The following BID variants were observed in gnomAD, a reference collection of about 807,000 sequenced individuals.
BID encodes BH3 interacting domain death agonist.
Under a neutral mutation model 17.4 loss-of-function variants are expected in BID, and 19 were observed. The observed-to-expected ratio is 1.09, with a 90% CI of 0.76 to 1.60. BID has a LOEUF of 1.60. BID is among the 40% of genes most tolerant of loss of function. The pLI, the probability that BID is intolerant of heterozygous loss-of-function variation, is 0.00. For synonymous variants in BID, 108 were observed against 102.8 expected (o/e 1.05, Z -0.31); for missense variants, 226 against 256.0 (o/e 0.88, Z 0.80).
chr22:17,770,561 C>A (rs889555325), intron 1 of BID, among the ~76,000 whole-genome samples: 2 of 152,328 alleles, frequency 1.3e-5, no homozygotes, highest in South Asian at 2.1e-4. Flanking sequence ...TTCAGTTACA[C>A]AAATTAAACC....
At chr22:17,747,772 CA>C (rs1378286089) in intron 2 of BID, among the ~76,000 whole-genome samples, 2 of 152,124 alleles carry the variant, frequency 1.3e-5, no homozygotes, top group Non-Finnish European at 2.9e-5. Flanking sequence ...AGATCAGTTC[CA>C]GTGGAAAGGA....
At chr22:17,737,819 G>A (rs1454572578) in intron 5 of BID, among the ~76,000 whole-genome samples, 198 bp downstream of exon 5, 2 of 152,158 alleles carry the variant, frequency 1.3e-5, no homozygotes, top group Non-Finnish European at 1.5e-5. Context: ...AGCTGCTAAA[G>A]CTCCAAAGGA....
In BID at chr22:17,735,380, T is replaced by G; in HGVS notation, c.*200A>C. ...ATTCAAATACGTGTAAATGGACATT[T>G]TCATTCAAGTATATTAATGTAGATA... On this transcript the variant is annotated 3_prime_UTR_variant, in exon 6 of 6. Coordinates refer to ENST00000622694, the MANE Select transcript of BID (RefSeq NM_001196.4). 1 of 605,960 alleles carries G rather than the reference T, an allele frequency of 1.7e-6. No homozygotes were observed. 37.5% of individuals were successfully genotyped at this position (605,960 alleles called of 1,614,324 possible).
chr22:17,755,584 C>T (rs1410717379), intron 1 of BID, among the ~76,000 whole-genome samples: 2 of 151,832 alleles, frequency 1.3e-5, no homozygotes, highest in South Asian at 2.1e-4. Flanking sequence ...GGGTGGATCA[C>T]GAGGTCAAGA....
At chr22:17,754,054 G>T (rs1281228283) in intron 1 of BID, among the ~76,000 whole-genome samples, 1 of 151,306 alleles carries the variant, frequency 6.6e-6, no homozygotes, top group Non-Finnish European at 1.5e-5. Context: ...CATTCCCCCA[G>T]TCTCCAGGAC....
At chr22:17,759,260 C>CAAAAA (rs2061618787) in intron 1 of BID, among the ~76,000 whole-genome samples, 1 of 72,710 alleles carries the variant, frequency 1.4e-5, no homozygotes, top group Non-Finnish European at 3.1e-5. Context: ...AAAAAAAAAA[C>CAAAAA]AAAAGAACCA....
intron 3 of BID, among the ~76,000 whole-genome samples, chr22:17,742,477 A>AC (rs869083367): frequency 2.3e-3 from 133 of 57,048 alleles, no homozygotes; most frequent in Middle Eastern, 0.012. Context: ...ACCTCCCCCC[A>AC]CCCCCCACCC....
At chr22:17,751,457 CTGTGTG>C (rs147644233) in intron 1 of BID, among the ~76,000 whole-genome samples, 3 of 149,700 alleles carry the variant, frequency 2.0e-5, no homozygotes, top group Non-Finnish European at 3.0e-5. Context: ...AAGTATTTGC[CTGTGTG>C]TGTGTGTGTG....
chr22:17,771,817 C>G (rs1181076914), intron 1 of BID, among the ~76,000 whole-genome samples: 1 of 147,606 alleles, frequency 6.8e-6, no homozygotes, highest in Non-Finnish European at 1.5e-5. Flanking sequence ...GAAAACCCCA[C>G]TGCGAGGTTT....
At chr22:17,750,796 C>CCG (rs2145891934) in intron 1 of BID, among the ~76,000 whole-genome samples, 1 of 152,264 alleles carries the variant, frequency 6.6e-6, no homozygotes, top group Non-Finnish European at 1.5e-5. Context: ...CCACTGCACT[C>CCG]CAGCCTGGGC....
At chr22:17,740,400 G>T in intron 3 of BID, 1 of 522,974 alleles carries the variant, frequency 1.9e-6, no homozygotes, top group Non-Finnish European at 3.5e-6. Context: ...GATTGCACCA[G>T]CAACAAAGCA....
intron 5 of BID, among the ~76,000 whole-genome samples, chr22:17,736,872 C>T (rs144569061): frequency 1.3e-4 from 20 of 151,916 alleles, no homozygotes; most frequent in African/African-American, 4.1e-4. Context: ...GGCGTGATTG[C>T]GGCTCACTGC....
intron 1 of BID, 139 bp downstream of exon 1, chr22:17,774,242 G>GCCTCCCCT (rs991506085): frequency 1.3e-5 from 2 of 151,402 alleles, no homozygotes; most frequent in Admixed American, 1.3e-4. Context: ...CTGACCCCCC[G>GCCTCCCCT]CCTCCCCTCC....
chr22:17,750,029 G>A (rs1210185392), intron 2 of BID, 76 bp downstream of exon 2: 23 of 1,424,216 alleles, frequency 1.6e-5, no homozygotes, highest in Non-Finnish European at 2.1e-5. Context: ...TCAGGGATGC[G>A]TGGTGGGGGA....
chr22:17,770,384 C>CACTCG (rs1032593126), intron 1 of BID, among the ~76,000 whole-genome samples: 10 of 152,274 alleles, frequency 6.6e-5, no homozygotes, highest in Middle Eastern at 3.4e-3. Flanking sequence ...ATGTGACATC[C>CACTCG]ACTTACAAAG....
At chr22:17,740,062 T>A in intron 3 of BID, 5 of 1,608,820 alleles carry the variant, frequency 3.1e-6, no homozygotes, top group Non-Finnish European at 4.2e-6. Flanking sequence ...ACAGCCTCCG[T>A]GCTGCCCCTG....
At chr22:17,749,378 G>T (rs1309068074) in intron 2 of BID, among the ~76,000 whole-genome samples, 2 of 152,160 alleles carry the variant, frequency 1.3e-5, no homozygotes, top group Non-Finnish European at 2.9e-5. Flanking sequence ...GTCTTACTAT[G>T]TTGCCCAGGT....
chr22:17,765,904 TCA>T (rs1467015041), intron 1 of BID, among the ~76,000 whole-genome samples: 1 of 152,202 alleles, frequency 6.6e-6, no homozygotes, highest in Non-Finnish European at 1.5e-5. Context: ...AAGATTTACA[TCA>T]ATTACGTGAA....
chr22:17,759,525 C>T (rs1265593155), intron 1 of BID, among the ~76,000 whole-genome samples: 1 of 151,994 alleles, frequency 6.6e-6, no homozygotes, highest in East Asian at 1.9e-4. Flanking sequence ...GCACTCCAGC[C>T]TGGGTGACAG....
Sources: gnomAD v4.1 joint callset for allele counts (sites outside exome capture counted in the v4.1 genomes callset) on GRCh38, gnomAD v4.1.1 for gene constraint, MANE v1.5 for transcripts, NCBI Gene and HGNC (gene_info 2026-07-23, HGNC 2026-07-21) for gene names.